Variants in ABCC1 observed in about 807,000 individuals in gnomAD.
ABCC1 encodes multidrug resistance-associated protein 1.
A neutral mutation model predicts 172.9 loss-of-function variants in ABCC1; 83 were observed. The observed-to-expected ratio is 0.48, with a 90% CI of 0.40 to 0.58. The LOEUF (loss-of-function observed/expected upper bound fraction) is 0.58. Ranked by LOEUF, ABCC1 falls within the 20% of genes least tolerant of loss-of-function variation. The probability of loss-of-function intolerance (pLI) is 0.00; values close to 1 mark genes in which losing one functional copy is unlikely to be tolerated. For missense variants in ABCC1, 1,817 were observed against 2,002.7 expected, an observed-to-expected ratio of 0.91 and a Z score of 1.77; for synonymous variants, 937 against 825.2, an observed-to-expected ratio of 1.14 and a Z score of -2.32.
intron 1 of ABCC1, among the ~76,000 whole-genome samples, chr16:15,961,632 T>C (rs2046135268): frequency 6.6e-6 from 1 of 152,212 alleles, no homozygotes; most frequent in African/African-American, 2.4e-5. Context: ...TGTGTGTATA[T>C]GTTTACATAT....
intron 1 of ABCC1, among the ~76,000 whole-genome samples, chr16:15,997,617 A>G (rs2151663185): frequency 6.6e-6 from 1 of 152,206 alleles, no homozygotes; most frequent in Non-Finnish European, 1.5e-5. Context: ...AGTTGGGAAC[A>G]GCAAGTGGCC....
At chr16:16,032,724 G>A (rs1351683387) in intron 5 of ABCC1, among the ~76,000 whole-genome samples, 1 of 152,180 alleles carries the variant, frequency 6.6e-6, no homozygotes, top group Non-Finnish European at 1.5e-5. Context: ...GGGGATATAA[G>A]GCAACCCTGT....
chr16:16,073,591 C>T (rs540840868), intron 14 of ABCC1, among the ~76,000 whole-genome samples: 3 of 152,066 alleles, frequency 2.0e-5, no homozygotes, highest in Non-Finnish European at 2.9e-5. Flanking sequence ...AGTGAGACCT[C>T]GTCTCTACAA....
intron 1 of ABCC1, among the ~76,000 whole-genome samples, chr16:15,983,334 G>A (rs942528435): frequency 1.3e-5 from 2 of 152,128 alleles, no homozygotes; most frequent in African/African-American, 2.4e-5. Context: ...CAGTTGTGGG[G>A]ATTGTGATCC....
At chr16:16,106,672 C>T in intron 20 of ABCC1, 66 bp from the exon 21 acceptor site, 1 of 1,603,890 alleles carries the variant, frequency 6.2e-7, no homozygotes, top group South Asian at 1.1e-5. Context: ...GCAGTCCCAG[C>T]AGGGAGCCCT....
Position 15,995,343 on chromosome 16 carries a change from A to C in ABCC1, c.49-12473A>C, listed in dbSNP as rs151144758. Among the ~76,000 whole-genome samples, 474 of 152,320 alleles carry C rather than the reference A, an allele frequency of 3.1e-3. 3 individuals are homozygous for C. The highest frequency in any genetic ancestry group is 0.011 in the African/African-American group (461 of 41,560). On this transcript the variant is annotated intron_variant, in intron 1 of 30. Coordinates refer to ENST00000399410, the MANE Select transcript of ABCC1 (RefSeq NM_004996.4). ...CCCTCTTACTCTTTCTATAGACAGA[A>C]GAAGGCGGCACAGGTTTCTTCATTG...
intron 12 of ABCC1, among the ~76,000 whole-genome samples, chr16:16,058,469 G>A (rs2049765844): frequency 6.6e-6 from 1 of 152,130 alleles, no homozygotes; most frequent in South Asian, 2.1e-4. Context: ...CATCTTTGTT[G>A]AGTTTCAGGT....
At chr16:16,132,112 C>T (rs1301458489) in intron 27 of ABCC1, among the ~76,000 whole-genome samples, 177 bp downstream of exon 27, 1 of 152,092 alleles carries the variant, frequency 6.6e-6, no homozygotes, top group African/African-American at 2.4e-5. Context: ...AGAGCGCATA[C>T]AGCTTGCAGA....
At chr16:16,046,293 T>A (rs1402571886) in intron 9 of ABCC1, among the ~76,000 whole-genome samples, 1 of 152,110 alleles carries the variant, frequency 6.6e-6, no homozygotes, top group African/African-American at 2.4e-5. Flanking sequence ...GAAATCCAAG[T>A]TTGGATCCTC....
At chr16:16,092,630 C>T (rs1390214462) in intron 19 of ABCC1, among the ~76,000 whole-genome samples, 4 of 152,012 alleles carry the variant, frequency 2.6e-5, no homozygotes, top group Non-Finnish European at 5.9e-5. Flanking sequence ...GGTTGATGGA[C>T]ATTCAGGTTT....
At chr16:16,065,974 TG>T (rs926274003) in intron 12 of ABCC1, among the ~76,000 whole-genome samples, 17 of 133,130 alleles carry the variant, frequency 1.3e-4, no homozygotes, top group African/African-American at 5.0e-4. Flanking sequence ...GGTCACCCAG[TG>T]GGTTTTTTGT....
At chr16:16,101,615 C>G (rs1260174789) in intron 19 of ABCC1, among the ~76,000 whole-genome samples, 2 of 152,320 alleles carry the variant, frequency 1.3e-5, no homozygotes, top group Admixed American at 1.3e-4. Flanking sequence ...CTCCCACCTT[C>G]TCTGGGGTCA....
chr16:16,105,108 C>T (rs534431717), intron 20 of ABCC1, among the ~76,000 whole-genome samples: 48 of 152,352 alleles, frequency 3.2e-4, no homozygotes, highest in African/African-American at 6.7e-4. Flanking sequence ...GCTCCTCAAG[C>T]GCTGCCAGAG....
rs546865046 is a variant in ABCC1, at chr16:15,951,672, CTTTTTTCTTTTCTTTT to C, written c.48+1885_48+1900del. ...AAAGCTAGAAAGTAGGTAGTTGTTG[CTTTTTTCTTTTCTTTT>C]TTTTTTCTTTTTCTTTTTTGAGACA... is the stretch of plus-strand genomic sequence containing the variant. On this transcript the variant is annotated intron_variant, in intron 1 of 30. Coordinates refer to ENST00000399410, the MANE Select transcript of ABCC1 (RefSeq NM_004996.4). 8.8e-3 allele frequency among the ~76,000 whole-genome samples: 1,340 copies of C among 151,908 alleles called. 16 individuals carry two copies. Among genetic ancestry groups the C allele is most frequent in the African/African-American group, 0.029 (1,218 of 41,438 alleles).
chr16:16,009,866 T>A lies in ABCC1; in HGVS notation c.316T>A (p.Phe106Ile), dbSNP rs770350478. ...TCGGGGCATATTCCTGGCCCCAGTGTTTCTGGTCAGCCCAACTCTCTTGGG... is the reference window on the plus strand; with the variant it reads ...TCGGGGCATATTCCTGGCCCCAGTGATTCTGGTCAGCCCAACTCTCTTGGG... ...RSRGIFLAPV[F>I]LVSPTLLGIT... Residue 106 changes from phenylalanine (F) to isoleucine (I), a missense_variant, in exon 3 of 31, where the codon TTT becomes ATT. By Grantham distance (21) the Phe-to-Ile change is conservative. Transcript: ENST00000399410. 3 of 1,611,158 alleles carry A rather than the reference T, an allele frequency of 1.9e-6. No homozygotes were observed. Among genetic ancestry groups the A allele is most frequent in the South Asian group, 2.2e-5 (2 of 90,342 alleles).
At chr16:16,066,817 C>T (rs1001797402) in intron 12 of ABCC1, among the ~76,000 whole-genome samples, 7 of 150,466 alleles carry the variant, frequency 4.7e-5, no homozygotes, top group Non-Finnish European at 7.4e-5. Context: ...GCATGAGAAT[C>T]GTTTGACCTT....
intron 19 of ABCC1, among the ~76,000 whole-genome samples, chr16:16,098,649 T>C (rs778748529): frequency 3.9e-5 from 6 of 152,156 alleles, no homozygotes; most frequent in Non-Finnish European, 7.4e-5. Flanking sequence ...AACACAGTTA[T>C]GACTTTGGAG....
chr16:15,972,660 C>T (rs2046395507), intron 1 of ABCC1, among the ~76,000 whole-genome samples: 1 of 152,054 alleles, frequency 6.6e-6, no homozygotes, highest in Non-Finnish European at 1.5e-5. Flanking sequence ...GATTACATGA[C>T]CACCTCTAGC....
intron 25 of ABCC1, 38 bp from the exon 26 acceptor site, chr16:16,125,772 C>T (rs369909852): frequency 7.0e-7 from 1 of 1,438,314 alleles, no homozygotes; most frequent in Non-Finnish European, 9.7e-7. Flanking sequence ...AGTACGCCCG[C>T]TTACTCTAGA....
Sources: gnomAD v4.1 joint callset for allele counts (sites outside exome capture counted in the v4.1 genomes callset) on GRCh38, gnomAD v4.1.1 for gene constraint, MANE v1.5 for transcripts, NCBI Gene and HGNC (gene_info 2026-07-23, HGNC 2026-07-21) for gene names.